NKAIN2: variants seen among roughly 807,000 people sequenced by gnomAD.
NKAIN2 encodes sodium/potassium-transporting ATPase subunit beta-1-interacting protein 2.
NKAIN2 carries 14 observed loss-of-function variants against 32.6 expected under a neutral mutation model. The observed-to-expected ratio is 0.43, with a 90% CI of 0.28 to 0.67. The LOEUF (loss-of-function observed/expected upper bound fraction) is 0.67. NKAIN2 is among the 30% of genes least tolerant of loss of function. NKAIN2 has a pLI of 0.17. For synonymous variants in NKAIN2, 80 were observed against 87.2 expected, an observed-to-expected ratio of 0.92 and a Z score of 0.46; for missense variants, 198 against 258.3, an observed-to-expected ratio of 0.77 and a Z score of 1.60.
chr6:124,026,121 G>A (rs1373567509), intron 1 of NKAIN2, among the ~76,000 whole-genome samples: 1 of 152,094 alleles, frequency 6.6e-6, no homozygotes, highest in African/African-American at 2.4e-5. Flanking sequence ...CAACTATCCA[G>A]TTATTTCATC....
chr6:124,803,762 G>A (rs1487924983), intron 5 of NKAIN2, among the ~76,000 whole-genome samples: 1 of 151,976 alleles, frequency 6.6e-6, no homozygotes, highest in East Asian at 1.9e-4. Flanking sequence ...TCTCTCTTTT[G>A]AGCCTTGTCT....
chr6:123,810,209 A>C (rs1033121200), intron 1 of NKAIN2, among the ~76,000 whole-genome samples: 1 of 152,172 alleles, frequency 6.6e-6, no homozygotes, highest in African/African-American at 2.4e-5. Context: ...TAGTAAGTGG[A>C]GAAGCTTGGA....
At chr6:124,750,148 C>T (rs1005336514) in intron 4 of NKAIN2, among the ~76,000 whole-genome samples, 1 of 151,752 alleles carries the variant, frequency 6.6e-6, no homozygotes, top group African/African-American at 2.4e-5. Flanking sequence ...TATTTTGAGG[C>T]TTTGAAATAA....
intron 3 of NKAIN2, among the ~76,000 whole-genome samples, chr6:124,413,532 A>G (rs1774319333): frequency 1.3e-5 from 2 of 152,086 alleles, no homozygotes; most frequent in African/African-American, 2.4e-5. Context: ...GGTGCTTTTC[A>G]AAGTTTTGTG....
At chr6:124,402,923 C>G (rs575953235) in intron 3 of NKAIN2, among the ~76,000 whole-genome samples, 213 of 152,234 alleles carry the variant, frequency 1.4e-3, no homozygotes, top group Admixed American at 3.3e-3. Flanking sequence ...ACCTATATAA[C>G]AAACCTGCAC....
At chr6:124,523,928 G>T (rs554899908) in intron 3 of NKAIN2, among the ~76,000 whole-genome samples, 1 of 152,278 alleles carries the variant, frequency 6.6e-6, no homozygotes, top group South Asian at 2.1e-4. Context: ...CAATGGATTA[G>T]TTTCTCAGCT....
chr6:124,589,449 A>G (rs1781827465), intron 3 of NKAIN2, among the ~76,000 whole-genome samples: 1 of 152,198 alleles, frequency 6.6e-6, no homozygotes, highest in Non-Finnish European at 1.5e-5. Context: ...TTTTCTTGAT[A>G]ACGTGGGGTC....
chr6:123,886,909 G>A (rs191018837), intron 1 of NKAIN2, among the ~76,000 whole-genome samples: 2 of 152,166 alleles, frequency 1.3e-5, no homozygotes, highest in Non-Finnish European at 1.5e-5. Flanking sequence ...GGCACAGTGG[G>A]AGATCATTAA....
In NKAIN2 at chr6:124,505,145, C is replaced by T. The variant is rs1018243090; in HGVS notation, c.273+149798C>T. Among the ~76,000 whole-genome samples, 4 of 152,082 alleles carry T rather than the reference C, an allele frequency of 2.6e-5. No individual in the cohort carries two copies. The East Asian group carries it at 7.7e-4, about 29-fold the overall frequency. On this transcript the variant is annotated intron_variant, in intron 3 of 6. Transcript: ENST00000368417. The stretch of plus-strand genomic sequence containing the variant: ...ATTTAGATCTAAAGCGAAAACAAAA[C>T]CTAGGCCAAAGGGTTCTGAAATAAG...
chr6:124,685,397 A>G (rs1298763416), intron 4 of NKAIN2, among the ~76,000 whole-genome samples: 1 of 152,200 alleles, frequency 6.6e-6, no homozygotes, highest in Non-Finnish European at 1.5e-5. Context: ...AATTTGATCC[A>G]CTTTTCATTG....
chr6:123,988,105 G>A (rs901308072), intron 1 of NKAIN2, among the ~76,000 whole-genome samples: 1 of 152,068 alleles, frequency 6.6e-6, no homozygotes, highest in African/African-American at 2.4e-5. Context: ...TAAAATTATT[G>A]ATTGGAGATG....
rs540084460 is a variant in NKAIN2, at chr6:124,816,117, G to C, written c.536-2270G>C. Among the ~76,000 whole-genome samples, 3 of 152,222 alleles carry C rather than the reference G, an allele frequency of 2.0e-5. No homozygotes were observed. In the South Asian group the frequency reaches 6.2e-4, roughly 32 times the overall value. ...GTTTCCCATGCAAAAAAGAAATGCA[G>C]TATCAAGCCATGAAAAGTCCTGGTG... is the stretch of plus-strand genomic sequence containing the variant. On this transcript the variant is annotated intron_variant, in intron 5 of 6. Transcript: ENST00000368417.
intron 3 of NKAIN2, among the ~76,000 whole-genome samples, chr6:124,605,690 A>C (rs183554888): frequency 6.6e-6 from 1 of 152,232 alleles, no homozygotes; most frequent in Admixed American, 6.6e-5. Context: ...ATGTAATTTT[A>C]TGTCAGAATT....
intron 1 of NKAIN2, among the ~76,000 whole-genome samples, chr6:124,071,749 G>T (rs1783479694): frequency 6.6e-6 from 1 of 152,100 alleles, no homozygotes. Context: ...AACCATTAGA[G>T]AAATATTGAT....
At chr6:124,220,462 T>C (rs201672886) in intron 1 of NKAIN2, among the ~76,000 whole-genome samples, 9 of 14,580 alleles carry the variant, frequency 6.2e-4, no homozygotes, top group South Asian at 3.2e-3. Flanking sequence ...TTTTTTTCCC[T>C]TTTTTTGGGG....
At position 123,997,893 on chromosome 6, in the gene NKAIN2, G is replaced by A. The variant is rs142130998; in HGVS notation, c.54+193639G>A. On this transcript the variant is annotated intron_variant, in intron 1 of 6. Coordinates refer to ENST00000368417, the MANE Select transcript of NKAIN2 (RefSeq NM_001040214.3). The stretch of plus-strand genomic sequence containing the variant: ...GCTGGGATTACAGGTGTGAGCCACC[G>A]TGCCTGGCCAAGTTTATTGTTATTT... 3.9e-3 allele frequency among the ~76,000 whole-genome samples: 587 copies of A among 152,116 alleles called. 6 individuals are homozygous for A. The highest frequency in any genetic ancestry group is 0.013 in the African/African-American group (556 of 41,498).
chr6:124,816,281 G>T (rs967086648), intron 5 of NKAIN2, among the ~76,000 whole-genome samples: 26 of 152,172 alleles, frequency 1.7e-4, no homozygotes, highest in African/African-American at 6.3e-4. Context: ...GGGGTTGGGG[G>T]AGGAAAGGAT....
chr6:124,035,691 A>T (rs1343286394), intron 1 of NKAIN2, among the ~76,000 whole-genome samples: 2 of 152,148 alleles, frequency 1.3e-5, no homozygotes, highest in Non-Finnish European at 2.9e-5. Context: ...CTATGTGATT[A>T]ATTCACTCTA....
At chr6:123,978,466 G>T (rs1393843540) in intron 1 of NKAIN2, among the ~76,000 whole-genome samples, 6 of 152,134 alleles carry the variant, frequency 3.9e-5, no homozygotes, top group African/African-American at 1.4e-4. Flanking sequence ...TATTAATATA[G>T]TATCAGTGCA....
Sources: gnomAD v4.1 joint callset for allele counts (sites outside exome capture counted in the v4.1 genomes callset) on GRCh38, gnomAD v4.1.1 for gene constraint, MANE v1.5 for transcripts, NCBI Gene and HGNC (gene_info 2026-07-23, HGNC 2026-07-21) for gene names.